The following SH3BGRL variants were observed in gnomAD, a reference collection of about 807,000 sequenced individuals.
SH3BGRL encodes the protein SH3 domain binding glutamate rich protein like.
In SH3BGRL, 7 loss-of-function variants were observed where a neutral mutation model predicts 9.8. The ratio of observed to expected loss-of-function variants is 0.72; its 90% CI spans 0.41 to 1.35. The LOEUF is 1.35. SH3BGRL is among the 40% of genes most tolerant of loss of function. The pLI is 0.01. For missense variants in SH3BGRL, 73 were observed against 84.4 expected (o/e 0.86, Z 0.53); for synonymous variants, 36 against 29.1 (o/e 1.24, Z -0.76).
intron 1 of SH3BGRL, among the ~76,000 whole-genome samples, chrX:81,227,499 A>G (rs1056165024): frequency 2.7e-5 from 3 of 111,562 alleles, no homozygotes; most frequent in Admixed American, 9.6e-5. Flanking sequence ...CTGTGCGAAG[A>G]ATGTGCAAAA....
At chrX:81,224,019 G>A (rs2075608988) in intron 1 of SH3BGRL, among the ~76,000 whole-genome samples, 1 of 111,409 alleles carries the variant, frequency 9.0e-6, no homozygotes, top group African/African-American at 3.3e-5. Context: ...TAAAGCTCAA[G>A]TATTGGGAGT....
intron 1 of SH3BGRL, among the ~76,000 whole-genome samples, chrX:81,232,024 C>A (rs1005794935): frequency 4.7e-5 from 5 of 105,856 alleles, no homozygotes; most frequent in Admixed American, 4.0e-4. Context: ...ACACAGACAC[C>A]CACACACACA....
At chrX:81,268,816 G>T (rs968128218) in intron 1 of SH3BGRL, among the ~76,000 whole-genome samples, 1 of 111,186 alleles carries the variant, frequency 9.0e-6, no homozygotes, top group African/African-American at 3.3e-5. Context: ...TGACAGTGGG[G>T]TGTTAAAGTC....
In SH3BGRL at chrX:81,278,355, A is replaced by C; in HGVS notation, c.256A>C (p.Arg86=). ...RGDYDAFFEA[R]ENNAVYAFLG... is the part of the protein sequence containing the mutation. The stretch of plus-strand genomic sequence containing the variant: ...GGACTATGATGCCTTCTTTGAAGCC[A>C]GAGAAAATAATGCAGTGTATGCCTT... The change falls in exon 3 of 4, where the codon AGA becomes CGA. Residue 86 remains arginine, a synonymous_variant. Coordinates refer to ENST00000373212, the MANE Select transcript of SH3BGRL (RefSeq NM_003022.3). The C allele has an allele frequency of 8.3e-7, 1 of 1,199,864 alleles. No individual in the cohort carries two copies. The highest frequency in any genetic ancestry group is 1.1e-6 in the Non-Finnish European group (1 of 887,012).
At chrX:81,255,436 G>T (rs1253262277) in intron 1 of SH3BGRL, 4 of 111,874 alleles carry the variant, frequency 3.6e-5, no homozygotes, top group African/African-American at 1.3e-4. Context: ...AATTCTGAGA[G>T]AATTTTCTGT....
intron 1 of SH3BGRL, among the ~76,000 whole-genome samples, chrX:81,225,324 T>C (rs2075613481): frequency 9.0e-6 from 1 of 111,157 alleles, no homozygotes; most frequent in South Asian, 3.8e-4. Context: ...GCAGTTTTCT[T>C]ACATCGCTAT....
chrX:81,278,305 A>T (rs775819150), intron 2 of SH3BGRL, 26 bp from the exon 3 acceptor site: 1 of 1,078,622 alleles, frequency 9.3e-7, no homozygotes, highest in Non-Finnish European at 1.3e-6. Flanking sequence ...CATATTGCTA[A>T]TTCATCTTAT....
At chrX:81,272,195 C>A (rs865974375) in intron 1 of SH3BGRL, among the ~76,000 whole-genome samples, 318 of 74,669 alleles carry the variant, frequency 4.3e-3, no homozygotes, top group Middle Eastern at 0.015. Context: ...AGACTGCGTC[C>A]AAAAAAAAAA....
intron 1 of SH3BGRL, among the ~76,000 whole-genome samples, chrX:81,211,222 A>G (rs1184150461): frequency 9.0e-6 from 1 of 111,729 alleles, no homozygotes; most frequent in Non-Finnish European, 1.9e-5. Context: ...ACTGAGTGTC[A>G]ACTTGATTGG....
chrX:81,207,072 A>C (rs904371150), intron 1 of SH3BGRL, among the ~76,000 whole-genome samples: 1 of 112,237 alleles, frequency 8.9e-6, no homozygotes, highest in Non-Finnish European at 1.9e-5. Context: ...AATAAATTGC[A>C]ATAACTTCTT....
intron 3 of SH3BGRL, among the ~76,000 whole-genome samples, chrX:81,278,709 A>T (rs749823464): frequency 8.9e-6 from 1 of 111,917 alleles, no homozygotes; most frequent in Non-Finnish European, 1.9e-5. Context: ...TAAAGCCTTC[A>T]TTATTCCAGC....
At chrX:81,295,395 C>T (rs760158883) in intron 3 of SH3BGRL, among the ~76,000 whole-genome samples, 49 of 111,550 alleles carry the variant, frequency 4.4e-4, no homozygotes, top group East Asian at 2.0e-3. Flanking sequence ...TTTTATCCGG[C>T]GTTTTCACTT....
Position 81,251,723 on chromosome X carries a change from A to G in SH3BGRL, c.46-25261A>G, listed in dbSNP as rs932494094. ...TGTCCCACTAAACTTTAAACATTCT[A>G]AAACAGAAACAATATTTTCTACTTT... On this transcript the variant is annotated intron_variant, in intron 1 of 3. Transcript: ENST00000373212. Among the ~76,000 whole-genome samples the G allele has an allele frequency of 3.6e-5, 4 of 112,306 alleles. No homozygotes were observed. In the East Asian group the frequency reaches 1.1e-3, roughly 31 times the overall value.
chrX:81,297,210 G>A lies in SH3BGRL; in HGVS notation c.328G>A (p.Ala110Thr), dbSNP rs780208453. ...TTCATTTCAGGAAGCAGAAGTGCAAGCAAAGCAGCAAGCATGAACCTTAAG... is the reference window on the plus strand; with the variant it reads ...TTCATTTCAGGAAGCAGAAGTGCAAACAAAGCAGCAAGCATGAACCTTAAG... ...PPGSKEAEVQ[A>T]KQQA Residue 110 changes from alanine (A) to threonine (T), a missense_variant, in exon 4 of 4, where the codon GCA (alanine) becomes ACA (threonine). Coordinates refer to ENST00000373212, the MANE Select transcript of SH3BGRL (RefSeq NM_003022.3). The A allele has an allele frequency of 2.6e-5, 31 of 1,205,707 alleles. No homozygotes were observed. The highest frequency in any genetic ancestry group is 3.3e-5 in the Non-Finnish European group (29 of 892,018).
intron 1 of SH3BGRL, among the ~76,000 whole-genome samples, chrX:81,218,289 G>A (rs6652981): frequency 0.012 from 1,274 of 110,144 alleles, 13 homozygotes; most frequent in African/African-American, 0.04. Context: ...CATGCTAATT[G>A]TTGTGTGAGT....
At chrX:81,248,705 T>C (rs947855575) in intron 1 of SH3BGRL, among the ~76,000 whole-genome samples, 6 of 112,173 alleles carry the variant, frequency 5.3e-5, no homozygotes, top group Admixed American at 1.9e-4. Flanking sequence ...AAAAATGGCA[T>C]CCTGCTCTTA....
In SH3BGRL at chrX:81,225,977, A is replaced by G. The variant is rs765583256; in HGVS notation, c.45+23732A>G. Among the ~76,000 whole-genome samples, 4 of 111,151 alleles carry G rather than the reference A, an allele frequency of 3.6e-5. No homozygotes were observed. The South Asian group carries it at 1.5e-3, about 42-fold the overall frequency. On this transcript the variant is annotated intron_variant, in intron 1 of 3. Transcript: ENST00000373212. ...TTTTTTATTAGTACAATATATCATC[A>G]TTAACTGTAATCACCATGCTATGTA...
chrX:81,269,765 T>C (rs1240308532), intron 1 of SH3BGRL, among the ~76,000 whole-genome samples: 1 of 111,360 alleles, frequency 9.0e-6, no homozygotes, highest in Non-Finnish European at 1.9e-5. Flanking sequence ...TGTTGGCCTG[T>C]CTTGCTAGAT....
intron 1 of SH3BGRL, among the ~76,000 whole-genome samples, chrX:81,231,835 G>A (rs1465111982): frequency 8.9e-6 from 1 of 112,091 alleles, no homozygotes; most frequent in Non-Finnish European, 1.9e-5. Flanking sequence ...TATTTTCTGG[G>A]TGCTATCAAA....
Sources: gnomAD v4.1 joint callset for allele counts (sites outside exome capture counted in the v4.1 genomes callset) on GRCh38, gnomAD v4.1.1 for gene constraint, MANE v1.5 for transcripts, NCBI Gene and HGNC (gene_info 2026-07-23, HGNC 2026-07-21) for gene names.